Variants in SCFD1 observed in about 807,000 individuals in gnomAD.
SCFD1 encodes sec1 family domain containing 1, also known as sec1 family domain-containing protein 1.
SCFD1 carries 37 observed loss-of-function variants against 103.2 expected under a neutral mutation model. The observed-to-expected ratio is 0.36, with a 90% confidence interval of 0.28 to 0.47. The LOEUF is 0.47. Among genes scored for constraint, SCFD1 ranks in the 20% least tolerant of loss-of-function variants. The pLI is 1.00. For synonymous variants in SCFD1, 264 were observed against 245.0 expected, an observed-to-expected ratio of 1.08 and a Z score of -0.73; for missense variants, 639 against 761.2, an observed-to-expected ratio of 0.84 and a Z score of 1.89.
At chr14:30,700,367 C>T (rs1032424872) in intron 16 of SCFD1, 109 bp downstream of exon 16, 24 of 789,506 alleles carry the variant, frequency 3.0e-5, no homozygotes, top group Non-Finnish European at 4.8e-5. Context: ...ATATCTGCTT[C>T]ATTTCTTTCT....
At chr14:30,643,184 T>A (rs571435093) in intron 6 of SCFD1, 132 bp from the exon 7 acceptor site, 39 of 704,202 alleles carry the variant, frequency 5.5e-5, no homozygotes, top group Admixed American at 1.0e-4. Context: ...AAAAAAAAAA[T>A]TTAAACCAAA....
chr14:30,649,062 T>C (rs229206), intron 7 of SCFD1, among the ~76,000 whole-genome samples: 74,719 of 151,494 alleles, frequency 0.49, 21,429 homozygotes, highest in African/African-American at 0.79. Flanking sequence ...TGCAGTCACA[T>C]TGATTGGTCA....
intron 22 of SCFD1, 32 bp from the exon 23 acceptor site, chr14:30,722,462 G>GTT (rs543295416): frequency 8.9e-3 from 10,636 of 1,199,840 alleles, no homozygotes; most frequent in South Asian, 0.014. Flanking sequence ...TAAAAACTGT[G>GTT]TTTTTTTTTT....
At chr14:30,716,125 C>A (rs1892264485) in intron 20 of SCFD1, 148 bp downstream of exon 20, 1 of 618,930 alleles carries the variant, frequency 1.6e-6, no homozygotes, top group African/African-American at 2.0e-5. Context: ...CTCAAGAAGC[C>A]TTTTTTAGCC....
Position 30,630,458 on chromosome 14 carries a change from A to G in SCFD1, c.133-19A>G. On this transcript the variant is annotated intron_variant, in intron 2 of 24. Coordinates refer to ENST00000458591, the MANE Select transcript of SCFD1 (RefSeq NM_016106.4). ...TTGGTTGTTCACTGATAATGATGACACATGGTTTTTTTTAATAGGTACTCA... is the reference window on the plus strand; with the variant it reads ...TTGGTTGTTCACTGATAATGATGACGCATGGTTTTTTTTAATAGGTACTCA... 7.1e-7 allele frequency: 1 copy of G among 1,411,102 alleles called. No homozygotes were observed. Among genetic ancestry groups the G allele is most frequent in the Non-Finnish European group, 1.0e-6 (1 of 997,012 alleles). 87.4% of individuals were successfully genotyped at this position (1,411,102 alleles called of 1,614,324 possible). A position where few individuals can be genotyped will look rare whatever the true frequency, so the allele number is the denominator to read the frequency against.
At chr14:30,711,106 A>C (rs891174653) in intron 19 of SCFD1, among the ~76,000 whole-genome samples, 2 of 152,252 alleles carry the variant, frequency 1.3e-5, no homozygotes, top group African/African-American at 4.8e-5. Flanking sequence ...AAGAATGTGA[A>C]GATGAATAAT....
intron 14 of SCFD1, among the ~76,000 whole-genome samples, chr14:30,684,367 G>A (rs1388979441): frequency 6.6e-6 from 1 of 152,182 alleles, no homozygotes; most frequent in Admixed American, 6.5e-5. Flanking sequence ...GGACAAACTA[G>A]TTTTAGAAAG....
chr14:30,653,447 G>A (rs1886592977), intron 9 of SCFD1, 42 bp from the exon 10 acceptor site: 1 of 1,208,574 alleles, frequency 8.3e-7, no homozygotes, highest in Non-Finnish European at 1.2e-6. Flanking sequence ...TGTATACACT[G>A]GTATCAAGAG....
intron 6 of SCFD1, 80 bp downstream of exon 6, chr14:30,639,944 A>G (rs1885104600): frequency 1.4e-6 from 2 of 1,431,980 alleles, no homozygotes; most frequent in Admixed American, 5.8e-5. Context: ...AATATGTTTA[A>G]TGGACTTCAA....
intron 10 of SCFD1, among the ~76,000 whole-genome samples, chr14:30,669,546 T>G (rs893472950): frequency 6.7e-6 from 1 of 150,228 alleles, no homozygotes. Context: ...TTTTGGGGGG[T>G]TTTTTGGTTT....
intron 23 of SCFD1, among the ~76,000 whole-genome samples, chr14:30,732,631 T>C (rs1235938723): frequency 6.6e-6 from 1 of 152,184 alleles, no homozygotes; most frequent in African/African-American, 2.4e-5. Flanking sequence ...TCTCGTAGTA[T>C]GAAACTAAAC....
intron 10 of SCFD1, chr14:30,653,808 G>A: frequency 3.0e-6 from 1 of 332,226 alleles, no homozygotes; most frequent in Non-Finnish European, 5.4e-6. Flanking sequence ...ATAGGGTAAA[G>A]TAGTGGTTTT....
intron 10 of SCFD1, among the ~76,000 whole-genome samples, chr14:30,668,081 G>T (rs1234746148): frequency 6.6e-6 from 1 of 152,110 alleles, no homozygotes; most frequent in Non-Finnish European, 1.5e-5. Context: ...AAAAGAGCCC[G>T]CATTGCCAAG....
chr14:30,669,685 A>T (rs1476311472), intron 10 of SCFD1: 2 of 152,170 alleles, frequency 1.3e-5, no homozygotes, highest in Non-Finnish European at 2.9e-5. Context: ...TTATTATAGC[A>T]TCTATTGTAA....
chr14:30,626,546 G>A (rs936097074), intron 1 of SCFD1, among the ~76,000 whole-genome samples: 2 of 152,110 alleles, frequency 1.3e-5, no homozygotes, highest in African/African-American at 4.8e-5. Flanking sequence ...GGTTGTTAGG[G>A]AAATGTTAAG....
At chr14:30,644,258 A>G (rs867542312) in intron 7 of SCFD1, among the ~76,000 whole-genome samples, 1 of 152,210 alleles carries the variant, frequency 6.6e-6, no homozygotes, top group African/African-American at 2.4e-5. Context: ...CTTGATAGGC[A>G]TCTAGGTTGA....
chr14:30,646,660 T>A (rs1416383369), intron 7 of SCFD1, among the ~76,000 whole-genome samples: 3 of 152,188 alleles, frequency 2.0e-5, no homozygotes, highest in Non-Finnish European at 4.4e-5. Context: ...GAGTCCCTCC[T>A]CCTCAATTTT....
At chr14:30,637,976 C>A in intron 4 of SCFD1, 149 bp from the exon 5 acceptor site, 1 of 1,040,728 alleles carries the variant, frequency 9.6e-7, no homozygotes. Flanking sequence ...ACCAGTACTA[C>A]TTCAAAGGTT....
chr14:30,735,376 C>G (rs1893771781), intron 24 of SCFD1, among the ~76,000 whole-genome samples: 1 of 152,170 alleles, frequency 6.6e-6, no homozygotes, highest in Non-Finnish European at 1.5e-5. Context: ...ACCTCAGCCT[C>G]CCAAATAGCT....
Sources: allele counts gnomAD v4.1 joint callset (sites outside exome capture counted in the v4.1 genomes callset), GRCh38; gene constraint gnomAD v4.1.1; transcripts MANE v1.5; gene names NCBI Gene and HGNC (gene_info 2026-07-23, HGNC 2026-07-21).